PCDHGB1: variants seen among roughly 807,000 people sequenced by gnomAD.
PCDHGB1 encodes the protein protocadherin gamma-B1.
Under a neutral mutation model 56.6 loss-of-function variants are expected in PCDHGB1, and 34 were observed. The observed-to-expected ratio is 0.60, with a 90% confidence interval of 0.46 to 0.80. The LOEUF (loss-of-function observed/expected upper bound fraction) is 0.80, where lower values mean the gene tolerates loss of function less well. Among genes scored for constraint, PCDHGB1 ranks in the 30% least tolerant of loss-of-function variants. The probability of loss-of-function intolerance (pLI) is 0.00; values close to 1 mark genes in which losing one functional copy is unlikely to be tolerated. For synonymous variants in PCDHGB1, 561 were observed against 505.9 expected, an observed-to-expected ratio of 1.11 and a Z score of -1.46; for missense variants, 1,278 against 1,204.6, an observed-to-expected ratio of 1.06 and a Z score of -0.90.
chr5:141,389,530 T>C (rs963241883), intron 1 of PCDHGB1: 1 of 1,613,208 alleles, frequency 6.2e-7, no homozygotes, highest in African/African-American at 1.3e-5. Context: ...CTGCGCGTGT[T>C]AGTGGACGAC....
intron 1 of PCDHGB1, chr5:141,388,238 C>T (rs546808390): frequency 4.8e-5 from 77 of 1,607,582 alleles, no homozygotes; most frequent in Non-Finnish European, 6.4e-5. Flanking sequence ...ACTTTTATCA[C>T]GTGAATGTGG....
rs1446432461 is a variant in PCDHGB1, at chr5:141,511,005, C to G, written c.2616C>G (p.Ala872=). 6.2e-7 allele frequency: 1 copy of G among 1,614,176 alleles called. No individual in the cohort carries two copies. Among genetic ancestry groups the G allele is most frequent in the Middle Eastern group, 1.6e-4 (1 of 6,062 alleles). ...GGGAGTMGLS[A]RYGPQFTLQH... is the part of the protein sequence containing the mutation. ...GTGCCGGCACCATGGGATTGAGCGC[C>G]CGCTACGGACCCCAGTTCACCCTGC... Residue 872 remains alanine, a synonymous_variant, in exon 4 of 4, where the codon GCC becomes GCG. Coordinates refer to ENST00000523390, the MANE Select transcript of PCDHGB1 (RefSeq NM_018922.3).
intron 1 of PCDHGB1, chr5:141,395,501 A>T: frequency 2.1e-6 from 1 of 467,130 alleles, no homozygotes; most frequent in African/African-American, 2.0e-5. Context: ...TCATTCACTT[A>T]AGAAGTAGCT....
intron 1 of PCDHGB1, chr5:141,395,178 G>A: frequency 6.2e-7 from 1 of 1,614,142 alleles, no homozygotes; most frequent in East Asian, 2.2e-5. Flanking sequence ...TGAGAAAAAT[G>A]ATTCTTTGTT....
intron 1 of PCDHGB1, chr5:141,413,604 C>T: frequency 5.6e-6 from 9 of 1,613,818 alleles, no homozygotes; most frequent in Non-Finnish European, 7.6e-6. Flanking sequence ...AAAATCTAGA[C>T]GTAAAAATTA....
chr5:141,452,360 C>A (rs1045666881), intron 1 of PCDHGB1, among the ~76,000 whole-genome samples: 3 of 152,172 alleles, frequency 2.0e-5, no homozygotes, highest in Non-Finnish European at 4.4e-5. Flanking sequence ...AAAAGCCTTG[C>A]TTCATTTTAG....
intron 1 of PCDHGB1, among the ~76,000 whole-genome samples, chr5:141,443,034 A>T (rs368996869): frequency 2.0e-5 from 3 of 152,172 alleles, no homozygotes; most frequent in East Asian, 3.8e-4. Context: ...CCAGACCTAA[A>T]CTTTGAAAAT....
In PCDHGB1 at chr5:141,351,309, A is replaced by C; in HGVS notation, c.1049A>C (p.Asn350Thr). The C allele has an allele frequency of 6.2e-7, 1 of 1,613,942 alleles. No homozygotes were observed. The highest frequency in any genetic ancestry group is 8.5e-7 in the Non-Finnish European group (1 of 1,179,832). ...APEVTFMSFSNQIPEDSDLGT... is the reference protein window; with the variant it reads ...APEVTFMSFSTQIPEDSDLGT... ...GAGGTGACATTCATGTCCTTCTCTAACCAGATTCCAGAGGATTCAGACCTT... is the reference window on the plus strand; with the variant it reads ...GAGGTGACATTCATGTCCTTCTCTACCCAGATTCCAGAGGATTCAGACCTT... The change falls in exon 1 of 4, where the codon AAC becomes ACC. Residue 350 changes from asparagine to threonine, a missense_variant. Asn to Thr is a moderately conservative substitution (Grantham distance 65, BLOSUM62 0). Coordinates refer to ENST00000523390, the MANE Select transcript of PCDHGB1 (RefSeq NM_018922.3).
chr5:141,465,454 T>A (rs1031876441), intron 1 of PCDHGB1, among the ~76,000 whole-genome samples: 1 of 152,184 alleles, frequency 6.6e-6, no homozygotes, highest in Non-Finnish European at 1.5e-5. Flanking sequence ...AAGAAAACTC[T>A]CACCAAATTG....
intron 1 of PCDHGB1, chr5:141,478,068 A>G (rs560968418): frequency 3.7e-6 from 6 of 1,614,134 alleles, no homozygotes; most frequent in East Asian, 4.5e-5. Flanking sequence ...ATCAAAGACA[A>G]TGGGGAGCCT....
At chr5:141,508,815 C>T (rs1190983144) in intron 3 of PCDHGB1, among the ~76,000 whole-genome samples, 1 of 152,138 alleles carries the variant, frequency 6.6e-6, no homozygotes, top group East Asian at 1.9e-4. Context: ...TCTTTGAAGC[C>T]AGATCTGGGC....
chr5:141,390,398 A>G, intron 1 of PCDHGB1: 1 of 1,365,554 alleles, frequency 7.3e-7, no homozygotes, highest in Non-Finnish European at 1.0e-6. Flanking sequence ...GGATCATTTT[A>G]GGAAAGTTGT....
intron 1 of PCDHGB1, chr5:141,356,234 C>A: frequency 1.9e-6 from 3 of 1,587,274 alleles, no homozygotes; most frequent in South Asian, 1.1e-5. Context: ...GACAACGCAC[C>A]AGAAGTCACA....
rs370951112 is a variant in PCDHGB1 at position 141,357,333 on chromosome 5, G to A, written c.2409+4664G>A. ...TCTTCCTGGCTTTTGTCACGGTGCT[G>A]CTAGCACTCAAGCTGAGACGCTGGC... is the stretch of plus-strand genomic sequence containing the variant. On this transcript the variant is annotated intron_variant, in intron 1 of 3. Coordinates refer to ENST00000523390, the MANE Select transcript of PCDHGB1 (RefSeq NM_018922.3). 17 of 1,614,014 alleles carry A rather than the reference G, an allele frequency of 1.1e-5. No individual in the cohort carries two copies. In the African/African-American group the frequency reaches 2.3e-4, roughly 22 times the overall value.
At position 141,432,117 on chromosome 5, in the gene PCDHGB1, C is replaced by G. The variant is rs761106133; in HGVS notation, c.2410-62690C>G. The G allele has an allele frequency of 6.2e-7, 1 of 1,614,062 alleles. No homozygotes were observed. The highest frequency in any genetic ancestry group is 8.5e-7 in the Non-Finnish European group (1 of 1,180,048). ...ACCAACGACAACCCGCCGGTCTTCC[C>G]TCAGGCCTCCTATTCCGCTTATATC... is the stretch of plus-strand genomic sequence containing the variant. On this transcript the variant is annotated intron_variant, in intron 1 of 3. Transcript: ENST00000523390. The surrounding 1 kb of genome is among the most constrained non-coding windows in gnomAD (Gnocchi z 6.0).
intron 1 of PCDHGB1, chr5:141,404,040 G>C (rs1373988780): frequency 6.2e-7 from 1 of 1,613,692 alleles, no homozygotes; most frequent in Non-Finnish European, 8.5e-7. Flanking sequence ...GCACCTCAGG[G>C]AACAGTAATT....
chr5:141,360,089 G>A (rs1293373069), intron 1 of PCDHGB1: 2 of 1,505,466 alleles, frequency 1.3e-6, no homozygotes, highest in East Asian at 2.4e-5. Context: ...TGCCATCCCC[G>A]GAAGGCTTAT....
intron 1 of PCDHGB1, chr5:141,374,086 G>T: frequency 6.5e-7 from 1 of 1,529,104 alleles, no homozygotes. Context: ...AGCCAGTAAT[G>T]GCGCCTCCGC....
intron 1 of PCDHGB1, among the ~76,000 whole-genome samples, chr5:141,353,938 T>C (rs556753346): frequency 1.1e-3 from 168 of 152,368 alleles, no homozygotes; most frequent in Non-Finnish European, 2.0e-3. Flanking sequence ...CTACTGCTAA[T>C]TGTTAAGTGA....
Sources: gnomAD v4.1 joint callset for allele counts (sites outside exome capture counted in the v4.1 genomes callset) on GRCh38, gnomAD v4.1.1 for gene constraint, Gnocchi (gnomAD v3.1) non-coding constraint, MANE v1.5 for transcripts, NCBI Gene and HGNC (gene_info 2026-07-23, HGNC 2026-07-21) for gene names.